Variants in IL1RAPL1 observed in about 807,000 individuals in gnomAD.
IL1RAPL1 encodes the protein interleukin 1 receptor accessory protein like 1, also known as interleukin-1 receptor accessory protein-like 1.
In IL1RAPL1, 3 loss-of-function variants were observed where a neutral mutation model predicts 48.4. The observed-to-expected ratio is 0.06, with a 90% confidence interval of 0.03 to 0.16. The LOEUF is 0.16. IL1RAPL1 is among the 10% of genes least tolerant of loss of function. The pLI, the probability that IL1RAPL1 is intolerant of heterozygous loss-of-function variation, is 1.00. For synonymous variants in IL1RAPL1, 185 were observed against 187.7 expected, an observed-to-expected ratio of 0.99 and a Z score of 0.12; for missense variants, 349 against 530.6, an observed-to-expected ratio of 0.66 and a Z score of 3.36.
At position 28,779,634 on chromosome X, in the gene IL1RAPL1, GTATATATA is replaced by G. The variant is rs1183080798; in HGVS notation, c.-24-9649_-24-9642del. Among the ~76,000 whole-genome samples the G allele has an allele frequency of 4.9e-3, 186 of 38,309 alleles. 1 individual carries two copies. Among genetic ancestry groups the G allele is most frequent in the African/African-American group, 9.4e-3 (82 of 8,678 alleles). The allele number at this position is 38,309 out of a possible 115,157, so 33.3% of individuals were successfully genotyped here. On this transcript the variant is annotated intron_variant, in intron 1 of 10. Coordinates refer to ENST00000378993, the MANE Select transcript of IL1RAPL1 (RefSeq NM_014271.4). ...GATACTATTATGTGTGTGTGTGTGTGTATATATATATATATATATATATATATATATAT... is the reference window on the plus strand; with the variant it reads ...GATACTATTATGTGTGTGTGTGTGTGTATATATATATATATATATATATAT...
chrX:29,617,322 G>C (rs751268548), intron 5 of IL1RAPL1, among the ~76,000 whole-genome samples: 2 of 112,071 alleles, frequency 1.8e-5, no homozygotes, highest in Middle Eastern at 4.6e-3. Context: ...CTAAACACTA[G>C]GCATTATGTT....
rs992238064 is a variant in IL1RAPL1 at position 29,657,801 on chromosome X, T to G, written c.704-10629T>G. On this transcript the variant is annotated intron_variant, in intron 5 of 10. Transcript: ENST00000378993. ...CATAATTTCTTGGAATAGACTATTG[T>G]TCCTAGAAGATAATTAGTGACTGTT... 1.0e-4 allele frequency among the ~76,000 whole-genome samples: 11 copies of G among 109,943 alleles called. No homozygotes were observed. In the South Asian group the frequency reaches 4.3e-3, roughly 43 times the overall value.
chrX:29,506,918 C>T (rs1935337239), intron 5 of IL1RAPL1, among the ~76,000 whole-genome samples: 1 of 110,899 alleles, frequency 9.0e-6, no homozygotes, highest in Non-Finnish European at 1.9e-5. Flanking sequence ...CTCACTTTCA[C>T]TAGTTTGGAA....
At chrX:29,918,505 CA>C (rs1186602092) in intron 7 of IL1RAPL1, among the ~76,000 whole-genome samples, 525 of 38,077 alleles carry the variant, frequency 0.014, no homozygotes, top group African/African-American at 0.025. Context: ...AACTCTGTCT[CA>C]AAAAAAAAAA....
At chrX:29,101,606 A>C (rs1928339194) in intron 2 of IL1RAPL1, among the ~76,000 whole-genome samples, 1 of 111,874 alleles carries the variant, frequency 8.9e-6, no homozygotes, top group Admixed American at 9.5e-5. Context: ...ATCCTCATCA[A>C]AATATGAGCA....
In IL1RAPL1 at chrX:29,032,481, A is replaced by G. The variant is rs145796063; in HGVS notation, c.82+243056A>G. On this transcript the variant is annotated intron_variant, in intron 2 of 10. Transcript: ENST00000378993. ...TATCTTATAATATGATTCATATATC[A>G]TACAATTCACCTATTTTGCCCAGGT... 2.0e-3 allele frequency among the ~76,000 whole-genome samples: 222 copies of G among 111,796 alleles called. 2 individuals carry two copies. Among genetic ancestry groups the G allele is most frequent in the African/African-American group, 6.9e-3 (212 of 30,833 alleles).
intron 1 of IL1RAPL1, among the ~76,000 whole-genome samples, chrX:28,691,170 C>A (rs1331350868): frequency 9.0e-6 from 1 of 110,713 alleles, no homozygotes; most frequent in South Asian, 3.9e-4. Flanking sequence ...CCCTCCCCAC[C>A]CCTGCCCCTG....
intron 5 of IL1RAPL1, among the ~76,000 whole-genome samples, chrX:29,450,261 T>C (rs979878303): frequency 2.7e-5 from 3 of 112,129 alleles, no homozygotes; most frequent in Non-Finnish European, 3.8e-5. Context: ...TGTGCTGACA[T>C]GTTTTAAAAA....
intron 6 of IL1RAPL1, among the ~76,000 whole-genome samples, chrX:29,914,251 TAAAAG>T (rs1358239908): frequency 2.7e-5 from 3 of 111,432 alleles, no homozygotes; most frequent in Non-Finnish European, 3.8e-5. Flanking sequence ...GGCCTGCAGG[TAAAAG>T]AAAAGAAATG....
intron 5 of IL1RAPL1, among the ~76,000 whole-genome samples, chrX:29,550,471 G>A (rs779881720): frequency 1.2e-3 from 138 of 111,933 alleles, no homozygotes; most frequent in Non-Finnish European, 2.0e-3. Context: ...GAGCCACTGC[G>A]CCCGGCCTAA....
chrX:29,746,701 G>A (rs1275649142), intron 6 of IL1RAPL1, among the ~76,000 whole-genome samples: 3 of 111,137 alleles, frequency 2.7e-5, no homozygotes, highest in Non-Finnish European at 1.9e-5. Flanking sequence ...TCTGACTCCT[G>A]GGTTCAAGTG....
At chrX:29,278,728 A>G (rs1054418456) in intron 2 of IL1RAPL1, among the ~76,000 whole-genome samples, 1 of 112,693 alleles carries the variant, frequency 8.9e-6, no homozygotes, top group East Asian at 2.8e-4. Context: ...TGCTTTTGGA[A>G]TGATTGTTCC....
chrX:29,136,423 G>A (rs940251947), intron 2 of IL1RAPL1, among the ~76,000 whole-genome samples: 7 of 111,584 alleles, frequency 6.3e-5, no homozygotes, highest in Non-Finnish European at 1.1e-4. Flanking sequence ...TAACACTCCC[G>A]GCTGCATTTG....
At chrX:29,936,095 T>C (rs1303932670) in intron 8 of IL1RAPL1, among the ~76,000 whole-genome samples, 1 of 110,404 alleles carries the variant, frequency 9.1e-6, no homozygotes, top group Admixed American at 9.7e-5. Context: ...TTAATGTGTT[T>C]CCCCCACCCC....
At chrX:29,514,879 A>G (rs1245204629) in intron 5 of IL1RAPL1, among the ~76,000 whole-genome samples, 1 of 112,705 alleles carries the variant, frequency 8.9e-6, no homozygotes, top group African/African-American at 3.2e-5. Flanking sequence ...CAAGTTGTTG[A>G]GCTTAACTGA....
At chrX:29,928,262 A>G (rs1268106929) in intron 8 of IL1RAPL1, among the ~76,000 whole-genome samples, 1 of 111,956 alleles carries the variant, frequency 8.9e-6, no homozygotes, top group Non-Finnish European at 1.9e-5. Context: ...AGTGTAGAAA[A>G]AATAATTAAG....
chrX:29,817,564 CT>C (rs1281635165), intron 6 of IL1RAPL1, among the ~76,000 whole-genome samples: 2 of 111,417 alleles, frequency 1.8e-5, no homozygotes, highest in Non-Finnish European at 3.8e-5. Context: ...AATGATGTCT[CT>C]CTGGGAAACC....
chrX:29,301,478 G>A (rs73460480), intron 3 of IL1RAPL1, among the ~76,000 whole-genome samples: 8,590 of 111,281 alleles, frequency 0.077, 830 homozygotes, highest in African/African-American at 0.27. Flanking sequence ...TTTGATTATC[G>A]AATACCAGAC....
chrX:29,774,709 C>G (rs775174712), intron 6 of IL1RAPL1, among the ~76,000 whole-genome samples: 1 of 111,811 alleles, frequency 8.9e-6, no homozygotes, highest in Admixed American at 9.5e-5. Flanking sequence ...CTACCAAGTA[C>G]TAGTGAGATG....
Sources: allele counts gnomAD v4.1 joint callset (sites outside exome capture counted in the v4.1 genomes callset), GRCh38; gene constraint gnomAD v4.1.1; transcripts MANE v1.5; gene names NCBI Gene and HGNC (gene_info 2026-07-23, HGNC 2026-07-21).